GATAD2B: variants seen among roughly 807,000 people sequenced by gnomAD.
GATAD2B encodes the protein transcriptional repressor p66-beta.
Under a neutral mutation model 64.3 loss-of-function variants are expected in GATAD2B, and 8 were observed. That is an observed-to-expected ratio of 0.12 (90% CI 0.07 to 0.22). The LOEUF is 0.22. GATAD2B is among the 10% of genes least tolerant of loss of function. The pLI is 1.00. For missense variants in GATAD2B, 453 were observed against 752.0 expected (o/e 0.60, Z 4.65); for synonymous variants, 281 against 271.3 (o/e 1.04, Z -0.35).
chr1:153,830,666 G>A (rs895065157), intron 1 of GATAD2B, among the ~76,000 whole-genome samples: 4 of 147,998 alleles, frequency 2.7e-5, no homozygotes, highest in Admixed American at 6.8e-5. Flanking sequence ...TAGTAGAGAC[G>A]GGGTTTCACT....
chr1:153,887,849 G>A (rs971042737), intron 1 of GATAD2B, among the ~76,000 whole-genome samples: 4 of 152,088 alleles, frequency 2.6e-5, no homozygotes, highest in African/African-American at 9.7e-5. Context: ...TACTCTGGGA[G>A]GCCAAGGCAG....
chr1:153,920,528 T>C (rs1242349005), intron 1 of GATAD2B, among the ~76,000 whole-genome samples: 5 of 152,236 alleles, frequency 3.3e-5, no homozygotes, highest in African/African-American at 1.2e-4. Flanking sequence ...GTTAACACTG[T>C]TCCTAGAAAA....
intron 1 of GATAD2B, among the ~76,000 whole-genome samples, chr1:153,891,092 G>A (rs543007502): frequency 6.6e-6 from 1 of 152,138 alleles, no homozygotes; most frequent in East Asian, 1.9e-4. Flanking sequence ...GCTGAGGAAG[G>A]AGAACTGCTT....
intron 1 of GATAD2B, among the ~76,000 whole-genome samples, chr1:153,833,199 C>T (rs998298693): frequency 1.3e-5 from 2 of 152,122 alleles, no homozygotes; most frequent in Non-Finnish European, 2.9e-5. Flanking sequence ...GCCTGGACAA[C>T]ATAGCAAGAC....
intron 1 of GATAD2B, among the ~76,000 whole-genome samples, chr1:153,869,963 A>AT (rs112955631): frequency 0.3 from 44,659 of 151,210 alleles, 6,719 homozygotes; most frequent in Admixed American, 0.39. Context: ...CTGTCTCTAC[A>AT]TTTTCCTTTT....
intron 2 of GATAD2B, among the ~76,000 whole-genome samples, chr1:153,820,892 T>A (rs1674655138): frequency 6.6e-6 from 1 of 151,004 alleles, no homozygotes; most frequent in South Asian, 2.1e-4. Context: ...CCTTAAACAA[T>A]CAACTTAAAC....
chr1:153,880,839 CAAAAAAAT>C (rs1399437103), intron 1 of GATAD2B, among the ~76,000 whole-genome samples: 1 of 151,000 alleles, frequency 6.6e-6, no homozygotes, highest in African/African-American at 2.4e-5. Context: ...GACCCTGTCT[CAAAAAAAT>C]AAAAAAATAA....
intron 1 of GATAD2B, among the ~76,000 whole-genome samples, chr1:153,846,557 C>CTTTTTTTTTT (rs887230575): frequency 8.8e-6 from 1 of 113,860 alleles, no homozygotes. Flanking sequence ...TCTTTGCGTT[C>CTTTTTTTTTT]TTTTTTTTTT....
intron 1 of GATAD2B, among the ~76,000 whole-genome samples, chr1:153,917,126 T>TCA (rs1440483592): frequency 2.1e-5 from 3 of 145,250 alleles, no homozygotes; most frequent in African/African-American, 7.8e-5. Flanking sequence ...TGAAACTGAG[T>TCA]CACACGCTGT....
intron 6 of GATAD2B, among the ~76,000 whole-genome samples, chr1:153,817,057 A>C (rs950616284): frequency 3.9e-5 from 6 of 152,174 alleles, no homozygotes; most frequent in African/African-American, 1.4e-4. Flanking sequence ...ACAAACAAAC[A>C]AAAAAGAGAC....
At position 153,911,736 on chromosome 1, in the gene GATAD2B, C is replaced by CA. The variant is rs527520433; in HGVS notation, c.-2+10996dup. ...GGGCAACAAGAGTGAAACTCCATCT[C>CA]AAAAAAAAACAAAAAACAAAAAAAA... On this transcript the variant is annotated intron_variant, in intron 1 of 10. Transcript: ENST00000368655. Among the ~76,000 whole-genome samples the CA allele has an allele frequency of 1.5e-4, 21 of 144,366 alleles. 1 individual carries two copies. The highest frequency in any genetic ancestry group is 3.5e-3 in the Middle Eastern group (1 of 286). The allele number at this position is 144,366 out of a possible 152,430, so 94.7% of individuals were successfully genotyped here.
At chr1:153,861,781 C>CAAAAAAAA (rs869141712) in intron 1 of GATAD2B, among the ~76,000 whole-genome samples, 103 of 85,656 alleles carry the variant, frequency 1.2e-3, no homozygotes, top group South Asian at 3.7e-3. Flanking sequence ...GACTCCATTT[C>CAAAAAAAA]AAAAAAAAAA....
At chr1:153,902,198 T>C (rs941139741) in intron 1 of GATAD2B, among the ~76,000 whole-genome samples, 9 of 152,008 alleles carry the variant, frequency 5.9e-5, no homozygotes, top group African/African-American at 2.2e-4. Flanking sequence ...GGAGAATCAC[T>C]TGAACCCAGG....
At chr1:153,839,972 T>TCAAA (rs1675417469) in intron 1 of GATAD2B, among the ~76,000 whole-genome samples, 1 of 150,146 alleles carries the variant, frequency 6.7e-6, no homozygotes, top group Non-Finnish European at 1.5e-5. Context: ...AGATTCTGTC[T>TCAAA]CAAACAAAAA....
chr1:153,828,602 A>C (rs558387353), intron 1 of GATAD2B, among the ~76,000 whole-genome samples: 1 of 152,086 alleles, frequency 6.6e-6, no homozygotes, highest in Admixed American at 6.6e-5. Context: ...TTAAATCTAC[A>C]TAAGCAAGGC....
At chr1:153,903,465 T>G (rs1306864081) in intron 1 of GATAD2B, among the ~76,000 whole-genome samples, 1 of 152,134 alleles carries the variant, frequency 6.6e-6, no homozygotes, top group Admixed American at 6.6e-5. Context: ...AAATAAGACT[T>G]CATGAACTAG....
At chr1:153,812,936 T>C (rs1211535293) in intron 8 of GATAD2B, among the ~76,000 whole-genome samples, 1 of 152,232 alleles carries the variant, frequency 6.6e-6, no homozygotes, top group Non-Finnish European at 1.5e-5. Flanking sequence ...AAGAGATTTA[T>C]AGCACAAATA....
chr1:153,859,215 A>G (rs2101918178), intron 1 of GATAD2B, among the ~76,000 whole-genome samples: 1 of 151,846 alleles, frequency 6.6e-6, no homozygotes, highest in African/African-American at 2.4e-5. Context: ...ATACAAATAG[A>G]AATCAGGCAG....
At chr1:153,898,873 T>A (rs1383747299) in intron 1 of GATAD2B, 2 of 152,166 alleles carry the variant, frequency 1.3e-5, no homozygotes, top group Admixed American at 6.6e-5. Context: ...AACATCTCCA[T>A]TCCCTGAAAA....
Sources: allele counts gnomAD v4.1 joint callset (sites outside exome capture counted in the v4.1 genomes callset), GRCh38; gene constraint gnomAD v4.1.1; transcripts MANE v1.5; gene names NCBI Gene and HGNC (gene_info 2026-07-23, HGNC 2026-07-21).